The following NRG1 variants were observed in gnomAD, a reference collection of about 807,000 sequenced individuals.
NRG1 encodes the protein pro-neuregulin-1, membrane-bound isoform.
A neutral mutation model predicts 63.8 loss-of-function variants in NRG1; 18 were observed. That is an observed-to-expected ratio of 0.28 (90% confidence interval 0.19 to 0.42). NRG1 has a LOEUF of 0.42. NRG1 is among the 10% of genes least tolerant of loss of function. The pLI is 1.00. For missense variants in NRG1, 762 were observed against 814.7 expected (o/e 0.94, Z 0.79); for synonymous variants, 302 against 301.3 (o/e 1.00, Z -0.02).
Position 31,879,715 on chromosome 8 carries a change from C to T in NRG1, c.37+240284C>T, listed in dbSNP as rs115915101. Among the ~76,000 whole-genome samples the T allele has an allele frequency of 4.9e-3, 743 of 152,276 alleles. 9 individuals carry two copies. Among genetic ancestry groups the T allele is most frequent in the African/African-American group, 0.017 (702 of 41,554 alleles). On this transcript the variant is annotated intron_variant, in intron 1 of 10. Transcript: ENST00000519301. ...TGCTCCGCTTCCCTCCTCCTACCCT[C>T]CACCCTCAAGTAGACCTGAGTGTCT...
intron 1 of NRG1, among the ~76,000 whole-genome samples, chr8:32,510,125 A>AATAATC (rs1554566714): frequency 1.6e-4 from 23 of 148,052 alleles, no homozygotes; most frequent in African/African-American, 5.7e-4. Flanking sequence ...TAATAATAAT[A>AATAATC]ATCATAAAAG....
intron 1 of NRG1, among the ~76,000 whole-genome samples, chr8:32,227,758 CT>C (rs906941348): frequency 2.0e-5 from 3 of 152,188 alleles, no homozygotes; most frequent in African/African-American, 7.2e-5. Context: ...CCTCTCCCTT[CT>C]TTCTGGCCCC....
intron 1 of NRG1, among the ~76,000 whole-genome samples, chr8:31,942,741 CAATTCTCAA>C (rs1475569708): frequency 6.6e-6 from 1 of 151,918 alleles, no homozygotes; most frequent in Admixed American, 6.6e-5. Context: ...CATGAATAGA[CAATTCTCAA>C]AAGAAGACAT....
chr8:31,946,005 C>A (rs1454651846), intron 1 of NRG1, among the ~76,000 whole-genome samples: 1 of 152,172 alleles, frequency 6.6e-6, no homozygotes, highest in Admixed American at 6.5e-5. Flanking sequence ...TGGGCTGCCC[C>A]CACAACTCGA....
At chr8:32,679,220 C>G (rs752628114) in intron 5 of NRG1, among the ~76,000 whole-genome samples, 19 of 152,144 alleles carry the variant, frequency 1.2e-4, no homozygotes, top group Non-Finnish European at 2.6e-4. Context: ...CATGCTCATT[C>G]TTGTACATAA....
intron 2 of NRG1, among the ~76,000 whole-genome samples, chr8:32,601,984 TCTC>T (rs1351246342): frequency 6.6e-6 from 1 of 152,172 alleles, no homozygotes; most frequent in Admixed American, 6.5e-5. Context: ...TCAAGGGATA[TCTC>T]CTCTTGTATT....
chr8:32,199,893 C>T (rs1219326960), intron 1 of NRG1, among the ~76,000 whole-genome samples: 1 of 152,096 alleles, frequency 6.6e-6, no homozygotes, highest in Non-Finnish European at 1.5e-5. Flanking sequence ...GATTCTACTG[C>T]CTCAGCCTCC....
chr8:31,876,138 A>G (rs767428298), intron 1 of NRG1, among the ~76,000 whole-genome samples: 5 of 152,216 alleles, frequency 3.3e-5, no homozygotes, highest in African/African-American at 4.8e-5. Flanking sequence ...AGTTTATATG[A>G]CCTATTTGAA....
chr8:32,505,294 T>A (rs962571095), intron 1 of NRG1, among the ~76,000 whole-genome samples: 2 of 152,190 alleles, frequency 1.3e-5, no homozygotes, highest in Non-Finnish European at 2.9e-5. Context: ...AGCTATCCAG[T>A]CTAACCATGA....
At chr8:32,560,195 C>G in intron 1 of NRG1, among the ~76,000 whole-genome samples, 1 of 146,840 alleles carries the variant, frequency 6.8e-6, no homozygotes, top group African/African-American at 2.4e-5. Context: ...TATCTGAGTC[C>G]TTTTATTCTT....
At chr8:31,879,299 G>T (rs182482094) in intron 1 of NRG1, among the ~76,000 whole-genome samples, 1 of 152,262 alleles carries the variant, frequency 6.6e-6, no homozygotes, top group East Asian at 1.9e-4. Context: ...GAAGTCAATT[G>T]TACTCAGAGA....
At chr8:31,641,334 G>T (rs73670644) in intron 1 of NRG1, among the ~76,000 whole-genome samples, 4,548 of 148,460 alleles carry the variant, frequency 0.031, 119 homozygotes, top group African/African-American at 0.078. Flanking sequence ...ATTGGTGGGG[G>T]TTTTTTTTTT....
downstream of NRG1, among the ~76,000 whole-genome samples, chr8:32,768,618 A>T (rs1831597264): frequency 6.6e-6 from 1 of 152,242 alleles, no homozygotes; most frequent in Non-Finnish European, 1.5e-5. Context: ...TCATATTCTA[A>T]GACTGAGTCA....
At position 31,748,861 on chromosome 8, in the gene NRG1, ATACGG is replaced by A. The variant is rs1586127299; in HGVS notation, c.37+109431_37+109435del. Among the ~76,000 whole-genome samples, 4 of 151,984 alleles carry A rather than the reference ATACGG, an allele frequency of 2.6e-5. No individual in the cohort carries two copies. The East Asian group carries it at 5.8e-4, about 22-fold the overall frequency. ...TCAGACAGAAACTCCAAGTACAGTG[ATACGG>A]GAATCAATGTACCCTACCTCTGACC... is the stretch of plus-strand genomic sequence containing the variant. On this transcript the variant is annotated intron_variant, in intron 1 of 10. Coordinates refer to the NRG1 transcript ENST00000519301.
At chr8:32,391,394 A>T (rs1476809973) in intron 1 of NRG1, among the ~76,000 whole-genome samples, 2 of 152,052 alleles carry the variant, frequency 1.3e-5, no homozygotes, top group Non-Finnish European at 2.9e-5. Context: ...CAGTGATACA[A>T]GTGCTGGTTT....
chr8:31,935,769 G>A (rs1345866444), intron 1 of NRG1, among the ~76,000 whole-genome samples: 1 of 152,140 alleles, frequency 6.6e-6, no homozygotes, highest in Non-Finnish European at 1.5e-5. Context: ...AGTATCCCTG[G>A]TCTTTTCATG....
At chr8:32,734,761 A>C (rs1405094382) in intron 6 of NRG1, among the ~76,000 whole-genome samples, 1 of 152,146 alleles carries the variant, frequency 6.6e-6, no homozygotes, top group Non-Finnish European at 1.5e-5. Flanking sequence ...TTTTTATAGG[A>C]TTCAGTTTAG....
intron 1 of NRG1, among the ~76,000 whole-genome samples, chr8:32,176,205 C>T (rs1252989354): frequency 5.3e-5 from 8 of 152,112 alleles, no homozygotes; most frequent in African/African-American, 1.7e-4. Context: ...TTTGACAAAC[C>T]TGAGAAAAAC....
chr8:32,698,902 C>A (rs1170688819), intron 5 of NRG1, among the ~76,000 whole-genome samples: 1 of 152,296 alleles, frequency 6.6e-6, no homozygotes, highest in Non-Finnish European at 1.5e-5. Context: ...CTAACCACTA[C>A]CTCCAGACAG....
Sources: gnomAD v4.1 joint callset for allele counts (sites outside exome capture counted in the v4.1 genomes callset) on GRCh38, gnomAD v4.1.1 for gene constraint, MANE v1.5 for transcripts, NCBI Gene and HGNC (gene_info 2026-07-23, HGNC 2026-07-21) for gene names.